Variants in RIC8A observed in about 807,000 individuals in gnomAD.
RIC8A encodes RIC8 guanine nucleotide exchange factor A.
RIC8A carries 37 observed loss-of-function variants against 48.4 expected under a neutral mutation model. The observed-to-expected ratio is 0.77, with a 90% CI of 0.59 to 1.01. The LOEUF is 1.01. Ranked by LOEUF, RIC8A falls within the 50% of genes least tolerant of loss-of-function variation. The probability of loss-of-function intolerance (pLI) is 0.00; values close to 1 mark genes in which losing one functional copy is unlikely to be tolerated. For synonymous variants in RIC8A, 288 were observed against 283.4 expected (o/e 1.02, Z -0.16); for missense variants, 681 against 696.8 (o/e 0.98, Z 0.25).
chr11:209,082 T>A, intron 1 of RIC8A, 144 bp downstream of exon 1: 1 of 1,030,866 alleles, frequency 9.7e-7, no homozygotes, highest in Non-Finnish European at 1.5e-6. Context: ...AGGTCTGGGA[T>A]GCAGTGTTGC....
At chr11:210,321 G>C in intron 3 of RIC8A, 2 of 696,310 alleles carry the variant, frequency 2.9e-6, no homozygotes, top group South Asian at 3.0e-5. Flanking sequence ...TAAGGTATGT[G>C]TTAGCATTCC....
intron 3 of RIC8A, 22 bp from the exon 4 acceptor site, chr11:210,549 G>A: frequency 6.2e-7 from 1 of 1,610,826 alleles, no homozygotes; most frequent in Non-Finnish European, 8.5e-7. Flanking sequence ...CTCCTCACAG[G>A]AACCCTTCTT....
At chr11:213,560 T>G (rs1294208396) in intron 9 of RIC8A, 142 bp downstream of exon 9, 1 of 1,187,908 alleles carries the variant, frequency 8.4e-7, no homozygotes, top group African/African-American at 1.5e-5. Flanking sequence ...TTGAAATCAC[T>G]TGCCCTGGAG....
intron 1 of RIC8A, 99 bp from the exon 2 acceptor site, chr11:209,172 C>T: frequency 7.1e-7 from 1 of 1,402,436 alleles, no homozygotes; most frequent in South Asian, 1.2e-5. Flanking sequence ...CCGTTCTGAG[C>T]AGTGGCTGCT....
rs1855288969 is a variant in RIC8A, at chr11:209,469, C to T, written c.195C>T (p.Ile65=). 1 of 1,606,806 alleles carries T rather than the reference C, an allele frequency of 6.2e-7. No homozygotes were observed. Among genetic ancestry groups the T allele is most frequent in the Non-Finnish European group, 8.5e-7 (1 of 1,174,010 alleles). The change falls in exon 3 of 10, where the codon ATC becomes ATT. Residue 65 remains isoleucine (I), a synonymous_variant. Coordinates refer to ENST00000526104, the MANE Select transcript of RIC8A (RefSeq NM_001286134.2). The part of the protein sequence containing the change: ...EQGLPPSHRV[I]WLQSVRILSR... ...GCTTGCCACCCTCCCACCGTGTCAT[C>T]TGGCTGCAGAGTGTCCGAATCCTGT...
chr11:209,694 A>G lies in RIC8A; in HGVS notation c.420A>G (p.Leu140=). Residue 140 remains leucine, a synonymous_variant, in exon 3 of 10, where the codon CTA becomes CTG. Transcript: ENST00000526104. ...VAQMLAAEAR[L]VVKLTERVGL... is the part of the protein sequence containing the mutation. ...AGATGCTGGCAGCAGAGGCCCGCCT[A>G]GTGGTGAAGCTCACAGAGCGTGTGG... is the stretch of plus-strand genomic sequence containing the variant. 1.9e-6 allele frequency: 3 copies of G among 1,613,966 alleles called. No individual in the cohort carries two copies. Among genetic ancestry groups the G allele is most frequent in the Non-Finnish European group, 2.5e-6 (3 of 1,180,006 alleles).
chr11:209,541 GCAGGCA>G lies in RIC8A; in HGVS notation c.269_274del (p.Gln90_Ala91del). 6.2e-7 allele frequency: 1 copy of G among 1,614,074 alleles called. No individual in the cohort carries two copies. The highest frequency in any genetic ancestry group is 2.2e-5 in the East Asian group (1 of 44,886). On this transcript the variant is annotated inframe_deletion, in exon 3 of 10. Coordinates refer to ENST00000526104, the MANE Select transcript of RIC8A (RefSeq NM_001286134.2). The stretch of plus-strand genomic sequence containing the variant: ...ACCCGTTCACCAGCCGCCAGAGCCT[GCAGGCA>G]CTAGCCTGCTATGCTGACATCTCTG...
rs375405697 is a variant in RIC8A, at chr11:210,644, G to A, written c.800G>A (p.Arg267His). The A allele has an allele frequency of 5.3e-5, 85 of 1,613,920 alleles. No homozygotes were observed. The highest frequency in any genetic ancestry group is 3.6e-4 in the East Asian group (16 of 44,892). ...HCVMIATAGDRTEEFHGHAVN... is the reference protein window; with the variant it reads ...HCVMIATAGDHTEEFHGHAVN... ...GTGATGATCGCTACTGCTGGAGACCGCACAGAGGAGTTCCACGGGTGAGAA... is the reference window on the plus strand; with the variant it reads ...GTGATGATCGCTACTGCTGGAGACCACACAGAGGAGTTCCACGGGTGAGAA... Residue 267 changes from arginine to histidine, a missense_variant, in exon 4 of 10, where the codon CGC becomes CAC. Physicochemically the swap from Arg to His is conservative, Grantham distance 29 (BLOSUM62 0). Coordinates refer to ENST00000526104, the MANE Select transcript of RIC8A (RefSeq NM_001286134.2).
Position 214,224 on chromosome 11 carries a change from C to T in RIC8A, c.1476-6C>T. On this transcript the variant is annotated splice_polypyrimidine_tract_variant and splice_region_variant and intron_variant, in intron 9 of 9. Transcript: ENST00000526104. ...TCCCCAGCCCCACTGCACCTTTCCCCAACAGGAACAGAGTCATCCAGCCAA... is the reference window on the plus strand; with the variant it reads ...TCCCCAGCCCCACTGCACCTTTCCCTAACAGGAACAGAGTCATCCAGCCAA... 1.2e-6 allele frequency: 2 copies of T among 1,613,312 alleles called. No individual in the cohort carries two copies. The highest frequency in any genetic ancestry group is 1.7e-6 in the Non-Finnish European group (2 of 1,179,604).
rs1254499785 is a variant in RIC8A at position 212,895 on chromosome 11, G to A, written c.1269G>A (p.Arg423=). The change falls in exon 8 of 10, where the codon AGG becomes AGA. Residue 423 remains arginine, a synonymous_variant. Coordinates refer to ENST00000526104, the MANE Select transcript of RIC8A (RefSeq NM_001286134.2). Reference sequence around the variant, plus strand: ...ATGCTGCTGGCCTTCTGGCTGCCAGGGGCCTCATGGCAGGAGGCCGGCCCG... The same window carrying A: ...ATGCTGCTGGCCTTCTGGCTGCCAGAGGCCTCATGGCAGGAGGCCGGCCCG... The part of the protein sequence containing the change: ...YGNAAGLLAA[R]GLMAGGRPEG... 3.1e-6 allele frequency: 5 copies of A among 1,606,770 alleles called. No individual in the cohort carries two copies. The highest frequency in any genetic ancestry group is 4.3e-6 in the Non-Finnish European group (5 of 1,176,266).
chr11:212,961 G>C lies in RIC8A; in HGVS notation c.1335G>C (p.Glu445Asp), dbSNP rs1444040514. Residue 445 changes from glutamate (E) to aspartate (D), a missense_variant, in exon 8 of 10, where the codon GAG becomes GAC. Glu to Asp is a conservative substitution (Grantham distance 45, BLOSUM62 2). Transcript: ENST00000526104. ...YSEDEDTDTD[E>D]YKEAKASINP... The stretch of plus-strand genomic sequence containing the variant: ...AGGATGAGGACACAGACACAGATGA[G>C]TACAAGGAAGCCAAAGCCAGGTGTG... The C allele has an allele frequency of 1.3e-6, 2 of 1,560,286 alleles. No homozygotes were observed. The highest frequency in any genetic ancestry group is 2.7e-5 in the African/African-American group (2 of 73,184).
intron 6 of RIC8A, 50 bp from the exon 7 acceptor site, chr11:212,565 C>T: frequency 6.2e-7 from 1 of 1,613,040 alleles, no homozygotes. Context: ...GCCCTGATCA[C>T]AGACCCTTGG....
rs778162350 is a variant in RIC8A at position 212,594 on chromosome 11, T to C, written c.1066-21T>C. On this transcript the variant is annotated intron_variant, in intron 6 of 9. Transcript: ENST00000526104. The stretch of plus-strand genomic sequence containing the variant: ...CCCTTGGCTGCTCTAAGCCCAAGCT[T>C]AGGGATGGCCACCTCCCCAGGTGCT... The C allele has an allele frequency of 1.9e-6, 3 of 1,613,702 alleles. No homozygotes were observed. The South Asian group carries it at 3.3e-5, about 18-fold the overall frequency.
rs1855253208 is a variant in RIC8A at position 208,703 on chromosome 11, G to C, written c.-152G>C. The stretch of plus-strand genomic sequence containing the variant: ...GCCGCGCCCCCTTAAAGCGCCACCA[G>C]ACGCTGCGCCCCGTTAAAGCGCCAC... On this transcript the variant is annotated 5_prime_UTR_variant, in exon 1 of 10. Transcript: ENST00000526104. This position sits in a 1 kb window ranked among gnomAD's most constrained non-coding sequence, Gnocchi z 4.8. The C allele has an allele frequency of 1.8e-6, 1 of 551,700 alleles. No homozygotes were observed. The allele number at this position is 551,700 out of a possible 1,614,324, so 34.2% of individuals were successfully genotyped here. A position where few individuals can be genotyped will look rare whatever the true frequency, so the allele number is the denominator to read the frequency against.
chr11:209,347 C>T (rs1855283343), intron 2 of RIC8A, 29 bp downstream of exon 2: 9 of 1,605,018 alleles, frequency 5.6e-6, no homozygotes, highest in African/African-American at 1.3e-5. Flanking sequence ...GGTAAAGGGG[C>T]AGGGACGGGT....
At chr11:209,342 AG>A (rs754572128) in intron 2 of RIC8A, 24 bp downstream of exon 2, 2 of 1,607,382 alleles carry the variant, frequency 1.2e-6, no homozygotes, top group Admixed American at 1.7e-5. Context: ...CAAGGGGTAA[AG>A]GGGCAGGGAC....
In RIC8A at chr11:209,611, G is replaced by A; in HGVS notation, c.337G>A (p.Val113Ile). Residue 113 changes from valine (V) to isoleucine (I), a missense_variant, in exon 3 of 10, where the codon GTT becomes ATT. Coordinates refer to ENST00000526104, the MANE Select transcript of RIC8A (RefSeq NM_001286134.2). ...GSVPESADMDVVLESLKCLCN... is the reference protein window; with the variant it reads ...GSVPESADMDIVLESLKCLCN... ...CGTCCCAGAGTCCGCAGACATGGATGTTGTACTGGAGTCCCTCAAGTGCCT... is the reference window on the plus strand; with the variant it reads ...CGTCCCAGAGTCCGCAGACATGGATATTGTACTGGAGTCCCTCAAGTGCCT... 1 of 1,614,096 alleles carries A rather than the reference G, an allele frequency of 6.2e-7. No individual in the cohort carries two copies. The highest frequency in any genetic ancestry group is 1.1e-5 in the South Asian group (1 of 91,090).
Position 212,608 on chromosome 11 carries a change from TC to T in RIC8A, c.1066-3del, listed in dbSNP as rs753876942. On this transcript the variant is annotated splice_polypyrimidine_tract_variant and splice_region_variant and intron_variant, in intron 6 of 9. Coordinates refer to ENST00000526104, the MANE Select transcript of RIC8A (RefSeq NM_001286134.2). ...AAGCCCAAGCTTAGGGATGGCCACC[TC>T]CCCAGGTGCTGCCCCCTCTGCGGGA... The T allele has an allele frequency of 6.2e-7, 1 of 1,613,846 alleles. No homozygotes were observed. The highest frequency in any genetic ancestry group is 1.3e-5 in the African/African-American group (1 of 75,046).
In RIC8A at chr11:213,239, TTGC is replaced by T. The variant is rs1855415230; in HGVS notation, c.1356-59_1356-57del. The T allele has an allele frequency of 1.9e-6, 3 of 1,600,116 alleles. No homozygotes were observed. In the Admixed American group the frequency reaches 5.1e-5, roughly 27 times the overall value. On this transcript the variant is annotated intron_variant, in intron 8 of 9. Coordinates refer to ENST00000526104, the MANE Select transcript of RIC8A (RefSeq NM_001286134.2). ...TCACCCCACTGGGAAAATAGGTGGC[TTGC>T]CTCCTGTCCTGGAGAGTCACTAATG...
Sources: gnomAD v4.1 joint callset for allele counts on GRCh38, gnomAD v4.1.1 for gene constraint, Gnocchi (gnomAD v3.1) non-coding constraint, MANE v1.5 for transcripts, NCBI Gene and HGNC (gene_info 2026-07-23, HGNC 2026-07-21) for gene names.